CLEC3A: variants seen among roughly 807,000 people sequenced by gnomAD.
CLEC3A encodes C-type lectin domain family 3 member A.
A neutral mutation model predicts 20.4 loss-of-function variants in CLEC3A; 28 were observed. The ratio of observed to expected loss-of-function variants is 1.37; its 90% CI spans 1.02 to 1.88. The LOEUF (loss-of-function observed/expected upper bound fraction) is 1.88, where lower values mean the gene tolerates loss of function less well. Ranked by LOEUF, CLEC3A falls within the 40% of genes most tolerant of loss-of-function variation. The pLI, the probability that CLEC3A is intolerant of heterozygous loss-of-function variation, is 0.00. For missense variants in CLEC3A, 357 were observed against 240.4 expected (o/e 1.48, Z -3.21); for synonymous variants, 110 against 88.1 (o/e 1.25, Z -1.39).
Position 78,030,533 on chromosome 16 carries a change from A to C in CLEC3A, c.286A>C (p.Ile96Leu), listed in dbSNP as rs137861114. ...KHFHEANEDCISKGGILVIPR... is the reference protein window; with the variant it reads ...KHFHEANEDCLSKGGILVIPR... ...TTTCCATGAGGCCAATGAAGACTGC[A>C]TTTCCAAAGGAGGAATCCTGGTTAT... The change falls in exon 3 of 3, where the codon ATT becomes CTT. Residue 96 changes from isoleucine (I) to leucine (L), a missense_variant. Transcript: ENST00000299642. 5 of 1,614,044 alleles carry C rather than the reference A, an allele frequency of 3.1e-6. No homozygotes were observed. The highest frequency in any genetic ancestry group is 2.7e-5 in the African/African-American group (2 of 74,926).
chr16:78,029,042 A>G, intron 2 of CLEC3A: 1 of 443,048 alleles, frequency 2.3e-6, no homozygotes, highest in Non-Finnish European at 4.5e-6. Flanking sequence ...CTTTACCCAC[A>G]GTCAGGTACT....
intron 2 of CLEC3A, among the ~76,000 whole-genome samples, chr16:78,030,022 A>G (rs1401449298): frequency 3.3e-5 from 5 of 152,000 alleles, no homozygotes; most frequent in Non-Finnish European, 7.4e-5. Context: ...GTGTGGTGGC[A>G]GGCACCTGTA....
At chr16:78,028,312 G>A (rs1356451437) in intron 2 of CLEC3A, 122 bp downstream of exon 2, 2 of 639,604 alleles carry the variant, frequency 3.1e-6, no homozygotes, top group Non-Finnish European at 5.1e-6. Flanking sequence ...CAATAAGAGG[G>A]CCCCAATGCC....
At position 78,031,277 on chromosome 16, in the gene CLEC3A, A is replaced by G. The variant is rs1168889834; in HGVS notation, c.*436A>G. On this transcript the variant is annotated 3_prime_UTR_variant, in exon 3 of 3. Coordinates refer to ENST00000299642, the MANE Select transcript of CLEC3A (RefSeq NM_005752.6). The stretch of plus-strand genomic sequence containing the variant: ...CATCAGAGACTCTAGGTGCTATATA[A>G]TCCAAAAACTTTTCAGCCTGTTGCT... 1 of 155,910 alleles carries G rather than the reference A, an allele frequency of 6.4e-6. No homozygotes were observed. Among genetic ancestry groups the G allele is most frequent in the African/African-American group, 2.4e-5 (1 of 41,470 alleles). The allele number at this position is 155,910 out of a possible 1,614,324, so 9.7% of individuals were successfully genotyped here. A position where few individuals can be genotyped will look rare whatever the true frequency, so the allele number is the denominator to read the frequency against.
intron 1 of CLEC3A, among the ~76,000 whole-genome samples, chr16:78,023,979 G>T (rs753201394): frequency 1.3e-5 from 2 of 151,984 alleles, no homozygotes; most frequent in African/African-American, 4.8e-5. Context: ...GGATGGTCTC[G>T]ATCTCCTGAC....
intron 1 of CLEC3A, among the ~76,000 whole-genome samples, chr16:78,027,645 A>G (rs2029965728): frequency 2.7e-5 from 4 of 149,528 alleles, no homozygotes; most frequent in Admixed American, 2.7e-4. Flanking sequence ...TCCTTCATTC[A>G]TTGTTTTTTT....
chr16:78,023,123 A>G (rs942955766), intron 1 of CLEC3A, among the ~76,000 whole-genome samples: 1 of 152,222 alleles, frequency 6.6e-6, no homozygotes, highest in African/African-American at 2.4e-5. Context: ...TCACTAGTAG[A>G]TATTGAGTAA....
chr16:78,025,984 G>A (rs1338988349), intron 1 of CLEC3A, among the ~76,000 whole-genome samples: 2 of 152,182 alleles, frequency 1.3e-5, no homozygotes, highest in Admixed American at 1.3e-4. Context: ...ATTTTTAGAG[G>A]TGACAGCTTA....
At chr16:78,030,134 C>T (rs1231310418) in intron 2 of CLEC3A, among the ~76,000 whole-genome samples, 1 of 110,994 alleles carries the variant, frequency 9.0e-6, no homozygotes, top group African/African-American at 3.5e-5. Flanking sequence ...GCCTGGGCGA[C>T]AGAGCGAGAC....
chr16:78,029,339 C>T (rs780850239), intron 2 of CLEC3A, among the ~76,000 whole-genome samples: 1 of 152,148 alleles, frequency 6.6e-6, no homozygotes, highest in South Asian at 2.1e-4. Context: ...CCCTGTCTCT[C>T]CACATGCAAA....
At chr16:78,027,704 G>A (rs2029967843) in intron 1 of CLEC3A, among the ~76,000 whole-genome samples, 1 of 151,942 alleles carries the variant, frequency 6.6e-6, no homozygotes, top group Admixed American at 6.6e-5. Flanking sequence ...CACCAAGGCT[G>A]GAGTGCAGTG....
chr16:78,022,843 G>A, intron 1 of CLEC3A, 102 bp downstream of exon 1: 4 of 1,223,632 alleles, frequency 3.3e-6, no homozygotes, highest in Non-Finnish European at 4.6e-6. Flanking sequence ...TATCTTCGGT[G>A]ATGGCACCAT....
intron 1 of CLEC3A, among the ~76,000 whole-genome samples, chr16:78,025,745 T>C (rs920699416): frequency 1.3e-5 from 2 of 152,208 alleles, no homozygotes; most frequent in African/African-American, 4.8e-5. Context: ...TCCAGCTCAG[T>C]AGTTGTTCCA....
chr16:78,028,679 T>C (rs1003989166), intron 2 of CLEC3A, among the ~76,000 whole-genome samples: 6 of 152,174 alleles, frequency 3.9e-5, no homozygotes, highest in African/African-American at 7.2e-5. Context: ...CTCCAAGGGG[T>C]GAGGAAGTGA....
chr16:78,023,784 G>C (rs549631209), intron 1 of CLEC3A, among the ~76,000 whole-genome samples: 8 of 146,840 alleles, frequency 5.4e-5, no homozygotes, highest in Admixed American at 4.8e-4. Flanking sequence ...CTGAGACAGA[G>C]TCTCGCTCTG....
In CLEC3A at chr16:78,022,713, C is replaced by G. The variant is rs2018765478; in HGVS notation, c.87C>G (p.Ala29=). Residue 29 remains alanine (A), a synonymous_variant, in exon 1 of 3, where the codon GCC becomes GCG. Transcript: ENST00000299642. Reference sequence around the variant, plus strand: ...CCAGCCACACATCCAGATTAAAAGCCAGGAAGCACAGCAAACGTCGAGTGA... The same window carrying G: ...CCAGCCACACATCCAGATTAAAAGCGAGGAAGCACAGCAAACGTCGAGTGA... ...QTTSHTSRLK[A]RKHSKRRVRD... The G allele has an allele frequency of 1.2e-6, 2 of 1,614,126 alleles. No individual in the cohort carries two copies. The highest frequency in any genetic ancestry group is 1.7e-6 in the Non-Finnish European group (2 of 1,180,030).
At chr16:78,022,770 T>A (rs2018766574) in intron 1 of CLEC3A, 29 bp downstream of exon 1, 4 of 1,612,718 alleles carry the variant, frequency 2.5e-6, no homozygotes, top group Non-Finnish European at 2.5e-6. Context: ...CAAGCAAAAT[T>A]CTAGGCTTAG....
At position 78,022,672 on chromosome 16, in the gene CLEC3A, C is replaced by G; in HGVS notation, c.46C>G (p.Leu16Val). ...LVICILVITL[L>V]LDQTTSHTSR... ...AATTTGCATCCTGGTGATCACCTTA[C>G]TCCTGGACCAGACCACCAGCCACAC... is the stretch of plus-strand genomic sequence containing the variant. The change falls in exon 1 of 3, where the codon CTC (leucine) becomes GTC (valine). Residue 16 changes from leucine to valine, a missense_variant. Transcript: ENST00000299642. The G allele has an allele frequency of 5.0e-6, 8 of 1,614,162 alleles. No homozygotes were observed. Among genetic ancestry groups the G allele is most frequent in the Non-Finnish European group, 5.9e-6 (7 of 1,180,020 alleles).
intron 1 of CLEC3A, among the ~76,000 whole-genome samples, chr16:78,025,697 C>G (rs1250000270): frequency 6.6e-6 from 1 of 152,196 alleles, no homozygotes; most frequent in Non-Finnish European, 1.5e-5. Flanking sequence ...TCATAGGTCT[C>G]AATTTATGTG....
Sources: allele counts gnomAD v4.1 joint callset (sites outside exome capture counted in the v4.1 genomes callset), GRCh38; gene constraint gnomAD v4.1.1; transcripts MANE v1.5; gene names NCBI Gene and HGNC (gene_info 2026-07-23, HGNC 2026-07-21).